The following PTPRB variants were observed in gnomAD, a reference collection of about 807,000 sequenced individuals.
PTPRB encodes receptor-type tyrosine-protein phosphatase beta.
In PTPRB, 97 loss-of-function variants were observed where a neutral mutation model predicts 238.1. That is an observed-to-expected ratio of 0.41 (90% CI 0.35 to 0.48). The LOEUF is 0.48. PTPRB is among the 20% of genes least tolerant of loss of function. PTPRB has a pLI of 0.30. For missense variants in PTPRB, 2,292 were observed against 2,681.9 expected (o/e 0.85, Z 3.21); for synonymous variants, 970 against 995.4 (o/e 0.97, Z 0.48).
intron 3 of PTPRB, among the ~76,000 whole-genome samples, chr12:70,617,023 T>C (rs1884710028): frequency 6.6e-6 from 1 of 152,216 alleles, no homozygotes; most frequent in African/African-American, 2.4e-5. Flanking sequence ...TATTTTTCAT[T>C]TGCATTTGGT....
At chr12:70,532,865 T>C (rs888778724) in intron 31 of PTPRB, among the ~76,000 whole-genome samples, 3 of 152,146 alleles carry the variant, frequency 2.0e-5, no homozygotes, top group African/African-American at 7.2e-5. Flanking sequence ...AGCTTGGTCT[T>C]GAACTCCTGG....
chr12:70,554,147 A>G (rs563152126), intron 20 of PTPRB, among the ~76,000 whole-genome samples: 2 of 152,222 alleles, frequency 1.3e-5, no homozygotes, highest in Admixed American at 6.5e-5. Context: ...ATTGTGCATA[A>G]CCAGATTTAG....
rs1172575848 is a variant in PTPRB at position 70,519,318 on chromosome 12, T to C, written c.*2171A>G. ...TAGATCCAGAGGTTTGCTATTAAAG[T>C]AGCATTAGCACTTTCCAGTGTGTGG... On this transcript the variant is annotated 3_prime_UTR_variant, in exon 34 of 34. Coordinates refer to ENST00000334414, the MANE Select transcript of PTPRB (RefSeq NM_001109754.4). 6.6e-6 allele frequency: 1 copy of C among 152,194 alleles called. No homozygotes were observed. The highest frequency in any genetic ancestry group is 1.5e-5 in the Non-Finnish European group (1 of 68,034). 9.4% of individuals were successfully genotyped at this position (152,194 alleles called of 1,614,324 possible).
rs76399721 is a variant in PTPRB at position 70,593,623 on chromosome 12, T to C, written c.1516+844A>G. 5.0e-3 allele frequency among the ~76,000 whole-genome samples: 758 copies of C among 151,280 alleles called. 18 individuals carry two copies. Among genetic ancestry groups the C allele is most frequent in the South Asian group, 0.046 (219 of 4,794 alleles). ...ATGTACATAAATAACTTTTAAGATA[T>C]ATAGAACATTTTTGGCCAGGAATAT... On this transcript the variant is annotated intron_variant, in intron 6 of 33. Transcript: ENST00000334414.
chr12:70,611,618 A>G (rs1464908713), intron 3 of PTPRB, among the ~76,000 whole-genome samples: 1 of 152,182 alleles, frequency 6.6e-6, no homozygotes, highest in African/African-American at 2.4e-5. Context: ...TTCTTTTAGA[A>G]AACATGCTTT....
At chr12:70,552,345 G>A (rs1031244535) in intron 21 of PTPRB, among the ~76,000 whole-genome samples, 67 of 152,112 alleles carry the variant, frequency 4.4e-4, no homozygotes, top group African/African-American at 1.5e-3. Context: ...TTAGCCGGGT[G>A]TGGTGGCGTG....
intron 16 of PTPRB, among the ~76,000 whole-genome samples, chr12:70,561,211 T>C (rs1878440247): frequency 6.6e-6 from 1 of 152,144 alleles, no homozygotes; most frequent in Non-Finnish European, 1.5e-5. Flanking sequence ...AATAAATCGT[T>C]GTCATTTAGC....
chr12:70,590,324 C>T, intron 7 of PTPRB, 91 bp from the exon 8 acceptor site: 2 of 1,291,126 alleles, frequency 1.5e-6, no homozygotes, highest in African/African-American at 3.0e-5. Flanking sequence ...AGATAGGAGA[C>T]ACAATATCTG....
At chr12:70,570,739 A>C (rs1879934579) in intron 13 of PTPRB, among the ~76,000 whole-genome samples, 1 of 152,196 alleles carries the variant, frequency 6.6e-6, no homozygotes, top group Admixed American at 6.5e-5. Flanking sequence ...GTGATACCCA[A>C]GTAACACTTA....
intron 4 of PTPRB, chr12:70,608,859 C>A: frequency 1.5e-6 from 1 of 684,448 alleles, no homozygotes; most frequent in Non-Finnish European, 2.3e-6. Context: ...AGCTAGTTGG[C>A]TGTTTTCAGC....
In PTPRB at chr12:70,635,893, C is replaced by T. The variant is rs761816557; in HGVS notation, c.229G>A (p.Gly77Ser). The T allele has an allele frequency of 9.3e-6, 15 of 1,613,700 alleles. No individual in the cohort carries two copies. Among genetic ancestry groups the T allele is most frequent in the East Asian group, 2.2e-5 (1 of 44,856 alleles). Residue 77 changes from glycine (G) to serine (S), a missense_variant, in exon 2 of 34, where the codon GGC becomes AGC. Physicochemically the swap from Gly to Ser is moderately conservative, Grantham distance 56 (BLOSUM62 0). Coordinates refer to ENST00000334414, the MANE Select transcript of PTPRB (RefSeq NM_001109754.4). ...TCCAAGATGGCTGAGCGGGAGGGGC[C>T]GCGGGAAGAGTTGGAGATGGCCAAG... The part of the protein sequence containing the change: ...LCLAISNSSR[G>S]PSRSAILDRC...
Position 70,581,063 on chromosome 12 carries a change from G to T in PTPRB, c.2551C>A (p.Arg851=). 4 of 1,613,896 alleles carry T rather than the reference G, an allele frequency of 2.5e-6. No homozygotes were observed. The South Asian group carries it at 3.3e-5, about 13-fold the overall frequency. The part of the protein sequence containing the change: ...VTTVSGGISS[R]QVVVEGRTVP... Reference sequence around the variant, plus strand: ...GTTCTTCCCTCCACAACCACTTGTCGGGAAGAGATCCCTCCACTCACTGTT... The same window carrying T: ...GTTCTTCCCTCCACAACCACTTGTCTGGAAGAGATCCCTCCACTCACTGTT... The change falls in exon 10 of 34, where the codon CGA becomes AGA. Residue 851 remains arginine, a synonymous_variant. Coordinates refer to ENST00000334414, the MANE Select transcript of PTPRB (RefSeq NM_001109754.4).
chr12:70,633,439 C>T (rs1276569859), intron 2 of PTPRB, among the ~76,000 whole-genome samples: 1 of 151,734 alleles, frequency 6.6e-6, no homozygotes, highest in African/African-American at 2.4e-5. Context: ...GACTTTGTTT[C>T]TAAAAACAAA....
intron 32 of PTPRB, among the ~76,000 whole-genome samples, chr12:70,527,066 T>G (rs897717148): frequency 1.3e-5 from 2 of 152,216 alleles, no homozygotes; most frequent in African/African-American, 4.8e-5. Context: ...AGATAATTTT[T>G]TGTTAACTGG....
At position 70,560,998 on chromosome 12, in the gene PTPRB, T is replaced by C; in HGVS notation, c.4169-64A>G. 6.7e-7 allele frequency: 1 copy of C among 1,490,100 alleles called. No homozygotes were observed. Among genetic ancestry groups the C allele is most frequent in the South Asian group, 1.2e-5 (1 of 85,114 alleles). 92.3% of individuals were successfully genotyped at this position (1,490,100 alleles called of 1,614,324 possible). A position where few individuals can be genotyped will look rare whatever the true frequency, so the allele number is the denominator to read the frequency against. ...AAACACAGGCATTTTGGCCCACAGGTGAGAGTATATGCTATGTTGGGCATG... is the reference window on the plus strand; with the variant it reads ...AAACACAGGCATTTTGGCCCACAGGCGAGAGTATATGCTATGTTGGGCATG... On this transcript the variant is annotated intron_variant, in intron 16 of 33. Transcript: ENST00000334414. This position sits in a 1 kb window ranked among gnomAD's most constrained non-coding sequence, Gnocchi z 4.2.
At chr12:70,556,302 G>A (rs1877671586) in intron 18 of PTPRB, among the ~76,000 whole-genome samples, 154 bp from the exon 19 acceptor site, 1 of 152,082 alleles carries the variant, frequency 6.6e-6, no homozygotes, top group Admixed American at 6.5e-5. Flanking sequence ...AGACACATGA[G>A]CATAAATCTC....
chr12:70,620,075 C>T (rs934722632), intron 3 of PTPRB, among the ~76,000 whole-genome samples: 1 of 152,320 alleles, frequency 6.6e-6, no homozygotes, highest in Middle Eastern at 3.4e-3. Flanking sequence ...ATAGCTTTTA[C>T]ACATTAGCTT....
At chr12:70,559,654 T>C in intron 17 of PTPRB, 30 bp from the exon 18 acceptor site, 1 of 1,550,406 alleles carries the variant, frequency 6.4e-7, no homozygotes, top group Non-Finnish European at 8.9e-7. Flanking sequence ...AAAAATCACA[T>C]AATCACAGCT....
Position 70,581,246 on chromosome 12 carries a change from A to G in PTPRB, c.2368T>C (p.Phe790Leu). ...VANQGMTSSL[F>L]TNWTQAQGDV... Reference sequence around the variant, plus strand: ...CCTTGTGCCTGGGTCCAGTTAGTAAACAGACTACTGGTCATTCCTTGGTTG... The same window carrying G: ...CCTTGTGCCTGGGTCCAGTTAGTAAGCAGACTACTGGTCATTCCTTGGTTG... Residue 790 changes from phenylalanine (F) to leucine (L), a missense_variant, in exon 10 of 34, where the codon TTT becomes CTT. By Grantham distance (22) the Phe-to-Leu change is conservative. Around this residue, in one of 4 missense-constraint regions of PTPRB, gnomAD observed 1,205 missense variants for 1,287.8 expected, o/e 0.94. Coordinates refer to ENST00000334414, the MANE Select transcript of PTPRB (RefSeq NM_001109754.4). 1 of 1,613,950 alleles carries G rather than the reference A, an allele frequency of 6.2e-7. No homozygotes were observed. Among genetic ancestry groups the G allele is most frequent in the Non-Finnish European group, 8.5e-7 (1 of 1,179,830 alleles).
Sources: gnomAD v4.1 joint callset for allele counts (sites outside exome capture counted in the v4.1 genomes callset) on GRCh38, gnomAD v4.1.1 for gene constraint, gnomAD v4.1.1 regional missense constraint, Gnocchi (gnomAD v3.1) non-coding constraint, MANE v1.5 for transcripts, NCBI Gene and HGNC (gene_info 2026-07-23, HGNC 2026-07-21) for gene names.